Variants in DNAAF4 observed in about 807,000 individuals in gnomAD.
The protein encoded by DNAAF4 is dynein assembly factor 4, axonemal.
Under a neutral mutation model 51.8 loss-of-function variants are expected in DNAAF4, and 43 were observed. That is an observed-to-expected ratio of 0.83 (90% CI 0.65 to 1.07). DNAAF4 has a LOEUF of 1.07. Among genes scored for constraint, DNAAF4 ranks in the 50% least tolerant of loss-of-function variants. DNAAF4 has a pLI of 0.00. For missense variants in DNAAF4, 581 were observed against 493.0 expected, an observed-to-expected ratio of 1.18 and a Z score of -1.69; for synonymous variants, 194 against 165.6, an observed-to-expected ratio of 1.17 and a Z score of -1.32.
chr15:55,473,198 A>AAT lies in DNAAF4; in HGVS notation c.406-6039_406-6038dup, dbSNP rs1555418732. 8.6e-3 allele frequency among the ~76,000 whole-genome samples: 653 copies of AAT among 75,720 alleles called. 18 individuals are homozygous for AAT. The highest frequency in any genetic ancestry group is 0.033 in the African/African-American group (623 of 18,654). 49.7% of individuals were successfully genotyped at this position (75,720 alleles called of 152,430 possible). ...ACAAAAAAAAAACCTAAAAAAAAAA[A>AAT]ATATATATATATATATATATATATG... On this transcript the variant is annotated intron_variant, in intron 4 of 9. Coordinates refer to ENST00000321149, the MANE Select transcript of DNAAF4 (RefSeq NM_130810.4).
intron 4 of DNAAF4, among the ~76,000 whole-genome samples, chr15:55,479,106 G>C (rs1225124988): frequency 6.6e-6 from 1 of 151,072 alleles, no homozygotes; most frequent in African/African-American, 2.4e-5. Flanking sequence ...CCCTGGGAAG[G>C]CTATACTAAT....
In DNAAF4 at chr15:55,444,295, T is replaced by C. The variant is rs558551667; in HGVS notation, c.784-4714A>G. 2.6e-4 allele frequency among the ~76,000 whole-genome samples: 39 copies of C among 152,362 alleles called. 1 individual carries two copies. The highest frequency in any genetic ancestry group is 9.4e-4 in the African/African-American group (39 of 41,600). ...AGTTTTCCCAGTACCATTTATTAAA[T>C]AGGGAATCCTTTCCCCATTTCTTGT... On this transcript the variant is annotated intron_variant, in intron 6 of 9. Coordinates refer to ENST00000321149, the MANE Select transcript of DNAAF4 (RefSeq NM_130810.4).
intron 4 of DNAAF4, among the ~76,000 whole-genome samples, chr15:55,470,549 T>G (rs1289362868): frequency 6.6e-6 from 1 of 151,622 alleles, no homozygotes; most frequent in South Asian, 2.1e-4. Context: ...ACTGGGTTTT[T>G]TTTTTTTTTT....
In DNAAF4 at chr15:55,458,469, G is replaced by A. The variant is rs781645650; in HGVS notation, c.638-8102C>T. On this transcript the variant is annotated intron_variant, in intron 5 of 9. Coordinates refer to ENST00000321149, the MANE Select transcript of DNAAF4 (RefSeq NM_130810.4). ...GAGATCAAAGACAAGGCTTTCAAACGAACCCAATCCAACAAAGACAAAGAA... is the reference window on the plus strand; with the variant it reads ...GAGATCAAAGACAAGGCTTTCAAACAAACCCAATCCAACAAAGACAAAGAA... Among the ~76,000 whole-genome samples, 26 of 151,974 alleles carry A rather than the reference G, an allele frequency of 1.7e-4. 1 individual carries two copies. The highest frequency in any genetic ancestry group is 9.8e-4 in the Admixed American group (15 of 15,230).
chr15:55,429,859 T>C (rs1007057524), downstream of DNAAF4, among the ~76,000 whole-genome samples: 2 of 151,860 alleles, frequency 1.3e-5, no homozygotes. Context: ...ATTAGAGAAT[T>C]ACAGTAACTA....
intron 6 of DNAAF4, among the ~76,000 whole-genome samples, chr15:55,448,268 A>T (rs918037339): frequency 6.6e-6 from 1 of 151,982 alleles, no homozygotes; most frequent in Non-Finnish European, 1.5e-5. Flanking sequence ...AGCCCATTTG[A>T]TCATGGTGGA....
At chr15:55,507,493 C>G (rs1396733319) in intron 1 of DNAAF4, among the ~76,000 whole-genome samples, 3 of 152,170 alleles carry the variant, frequency 2.0e-5, no homozygotes, top group African/African-American at 4.8e-5. Context: ...TGGGTACTCA[C>G]AGCATGGTTT....
intron 7 of DNAAF4, among the ~76,000 whole-genome samples, chr15:55,438,241 C>T (rs1426590851): frequency 6.6e-6 from 1 of 151,438 alleles, no homozygotes; most frequent in East Asian, 1.9e-4. Context: ...ATCCCAGCTA[C>T]TGAGGAGGCT....
chr15:55,487,038 A>G (rs149745141), intron 4 of DNAAF4, among the ~76,000 whole-genome samples: 20 of 152,346 alleles, frequency 1.3e-4, no homozygotes, highest in African/African-American at 4.6e-4. Context: ...ACTTTTGTGG[A>G]AAATCCCTTA....
At position 55,430,342 on chromosome 15, in the gene DNAAF4, T is replaced by C; in HGVS notation, c.*328A>G. 1.0e-6 allele frequency: 1 copy of C among 959,586 alleles called. No homozygotes were observed. The highest frequency in any genetic ancestry group is 1.2e-6 in the Non-Finnish European group (1 of 805,650). The allele number at this position is 959,586 out of a possible 1,614,324, so 59.4% of individuals were successfully genotyped here. On this transcript the variant is annotated 3_prime_UTR_variant, in exon 10 of 10. Coordinates refer to ENST00000321149, the MANE Select transcript of DNAAF4 (RefSeq NM_130810.4). ...AATCTTTTATTTTAAAATTCTACCT[T>C]GTTAAAAATTAATCAGTAAGTGTCC... is the stretch of plus-strand genomic sequence containing the variant.
chr15:55,445,704 C>A (rs1256895594), intron 6 of DNAAF4, among the ~76,000 whole-genome samples: 1 of 139,056 alleles, frequency 7.2e-6, no homozygotes, highest in African/African-American at 2.7e-5. Flanking sequence ...CGAAGGGCAC[C>A]AGGCAGAGGC....
chr15:55,482,706 C>T (rs932033562), intron 4 of DNAAF4, among the ~76,000 whole-genome samples: 1 of 151,908 alleles, frequency 6.6e-6, no homozygotes, highest in Admixed American at 6.6e-5. Flanking sequence ...AAACAAAAAA[C>T]AGATACTTAA....
chr15:55,473,351 GTA>G (rs1211531385), intron 4 of DNAAF4, among the ~76,000 whole-genome samples: 3 of 135,520 alleles, frequency 2.2e-5, no homozygotes, highest in Non-Finnish European at 4.6e-5. Flanking sequence ...ATATATGTGT[GTA>G]TATATATGTG....
intron 4 of DNAAF4, among the ~76,000 whole-genome samples, chr15:55,477,635 T>C (rs2058353370): frequency 7.2e-6 from 1 of 138,474 alleles, no homozygotes; most frequent in Non-Finnish European, 1.5e-5. Flanking sequence ...TATGTAAGTA[T>C]GTATGTATGT....
chr15:55,447,142 G>C (rs1267394791), intron 6 of DNAAF4, among the ~76,000 whole-genome samples: 1 of 146,392 alleles, frequency 6.8e-6, no homozygotes, highest in Non-Finnish European at 1.5e-5. Flanking sequence ...TCCCAGACGG[G>C]GTGGCCAGGC....
chr15:55,473,615 A>C (rs2058297657), intron 4 of DNAAF4, among the ~76,000 whole-genome samples: 2 of 152,074 alleles, frequency 1.3e-5, no homozygotes, highest in Admixed American at 1.3e-4. Context: ...CCAAAATGTC[A>C]GTTGATATTG....
intron 7 of DNAAF4, among the ~76,000 whole-genome samples, chr15:55,424,517 T>G (rs1354750233): frequency 6.6e-6 from 1 of 152,226 alleles, no homozygotes; most frequent in Non-Finnish European, 1.5e-5. Context: ...TGCTAGTGAT[T>G]AAGAGGTCTC....
chr15:55,459,092 A>G (rs982150827), intron 5 of DNAAF4, among the ~76,000 whole-genome samples: 112 of 151,554 alleles, frequency 7.4e-4, no homozygotes, highest in Middle Eastern at 6.8e-3. Context: ...AAAAAAAAAA[A>G]GAGCTGTGAG....
At position 55,464,615 on chromosome 15, in the gene DNAAF4, C is replaced by G. The variant is rs149267622; in HGVS notation, c.637+2315G>C. On this transcript the variant is annotated intron_variant, in intron 5 of 9. Transcript: ENST00000321149. ...CTCAAACAAATCAGCAAGAACAAAA[C>G]AAACAATCCCATCAAAAAGTGGGCT... is the stretch of plus-strand genomic sequence containing the variant. Among the ~76,000 whole-genome samples the G allele has an allele frequency of 4.0e-4, 61 of 152,272 alleles. 1 individual carries two copies. Among genetic ancestry groups the G allele is most frequent in the African/African-American group, 1.4e-3 (60 of 41,560 alleles).
Sources: gnomAD v4.1 joint callset for allele counts (sites outside exome capture counted in the v4.1 genomes callset) on GRCh38, gnomAD v4.1.1 for gene constraint, MANE v1.5 for transcripts, NCBI Gene and HGNC (gene_info 2026-07-23, HGNC 2026-07-21) for gene names.